NCOA1: variants seen among roughly 807,000 people sequenced by gnomAD.
NCOA1 encodes nuclear receptor coactivator 1.
NCOA1 carries 35 observed loss-of-function variants against 150.9 expected under a neutral mutation model. The ratio of observed to expected loss-of-function variants is 0.23; its 90% CI spans 0.18 to 0.31. The LOEUF (loss-of-function observed/expected upper bound fraction) is 0.31. Among genes scored for constraint, NCOA1 ranks in the 10% least tolerant of loss-of-function variants. The pLI, the probability that NCOA1 is intolerant of heterozygous loss-of-function variation, is 1.00. For missense variants in NCOA1, 1,491 were observed against 1,749.3 expected (o/e 0.85, Z 2.63); for synonymous variants, 590 against 630.0 (o/e 0.94, Z 0.95).
intron 14 of NCOA1, among the ~76,000 whole-genome samples, chr2:24,720,108 A>G (rs1026231962): frequency 6.6e-6 from 1 of 152,238 alleles, no homozygotes; most frequent in African/African-American, 2.4e-5. Context: ...GACCTCATCT[A>G]TAATGAGGGG....
intron 20 of NCOA1, among the ~76,000 whole-genome samples, chr2:24,756,271 A>G (rs1311394155): frequency 6.6e-6 from 1 of 152,062 alleles, no homozygotes; most frequent in Non-Finnish European, 1.5e-5. Flanking sequence ...ACAAAAGAAA[A>G]TAGACATAGA....
At chr2:24,512,484 A>G (rs1663975707) in intron 1 of NCOA1, among the ~76,000 whole-genome samples, 1 of 152,204 alleles carries the variant, frequency 6.6e-6, no homozygotes, top group South Asian at 2.1e-4. Context: ...AGTTTTTAAA[A>G]GCTCTAATGG....
Position 24,710,993 on chromosome 2 carries a change from G to A in NCOA1, c.2481G>A (p.Leu827=). Residue 827 remains leucine (L), a synonymous_variant, in exon 14 of 23, where the codon TTG becomes TTA. Coordinates refer to ENST00000348332, the MANE Select transcript of NCOA1 (RefSeq NM_003743.5). ...CCACGCTGGAGAAGGCAGCACAGTT[G>A]CCAGGCTTATGTGAGACAGACAGGA... ...LLPTLEKAAQ[L]PGLCETDRMD... is the part of the protein sequence containing the mutation. 4 of 1,614,150 alleles carry A rather than the reference G, an allele frequency of 2.5e-6. No individual in the cohort carries two copies. In the South Asian group the frequency reaches 3.3e-5, roughly 13 times the overall value.
intron 5 of NCOA1, 115 bp downstream of exon 5, chr2:24,658,881 T>C (rs1239636700): frequency 1.4e-5 from 12 of 879,798 alleles, no homozygotes; most frequent in Non-Finnish European, 5.4e-6. Flanking sequence ...GAGTCTTTCA[T>C]ACTCACCATG....
At chr2:24,600,343 C>A (rs1193833151) in intron 3 of NCOA1, among the ~76,000 whole-genome samples, 1 of 152,066 alleles carries the variant, frequency 6.6e-6, no homozygotes, top group African/African-American at 2.4e-5. Flanking sequence ...GTAGCTGAGA[C>A]TACAGGCATG....
chr2:24,608,890 G>T (rs763882230), intron 3 of NCOA1, among the ~76,000 whole-genome samples: 1 of 151,966 alleles, frequency 6.6e-6, no homozygotes, highest in Non-Finnish European at 1.5e-5. Context: ...CTCTGTTGGG[G>T]TTTGTCTGAT....
intron 2 of NCOA1, among the ~76,000 whole-genome samples, chr2:24,576,173 T>TTTTTTTTTTTG (rs1666970468): frequency 4.9e-5 from 2 of 40,954 alleles, no homozygotes; most frequent in Admixed American, 3.9e-4. Flanking sequence ...GTTTTTTGTT[T>TTTTTTTTTTTG]TTTTTTTTTT....
chr2:24,693,064 G>T (rs954087242), intron 9 of NCOA1, among the ~76,000 whole-genome samples, 188 bp from the exon 10 acceptor site: 2 of 152,142 alleles, frequency 1.3e-5, no homozygotes, highest in African/African-American at 4.8e-5. Flanking sequence ...GGGTTTCACC[G>T]TGTTAGCCAG....
At chr2:24,656,697 CAT>C (rs1558878500) in intron 4 of NCOA1, among the ~76,000 whole-genome samples, 1 of 152,226 alleles carries the variant, frequency 6.6e-6, no homozygotes, top group Non-Finnish European at 1.5e-5. Flanking sequence ...TTAGTTTACA[CAT>C]GAGTGAGAAT....
At chr2:24,537,926 T>C (rs4544384) in intron 1 of NCOA1, among the ~76,000 whole-genome samples, 7,870 of 152,250 alleles carry the variant, frequency 0.052, 286 homozygotes, top group East Asian at 0.19. Context: ...TCTGCTAACT[T>C]TTTGTGTCTA....
intron 4 of NCOA1, among the ~76,000 whole-genome samples, chr2:24,652,775 A>G (rs1558875271): frequency 6.6e-6 from 1 of 152,290 alleles, no homozygotes; most frequent in Admixed American, 6.5e-5. Context: ...TCAACAGGGT[A>G]CTTTTACTTA....
In NCOA1 at chr2:24,729,588, T is replaced by G. The variant is rs754510558; in HGVS notation, c.2974T>G (p.Ser992Ala). The G allele has an allele frequency of 1.9e-6, 3 of 1,614,196 alleles. No individual in the cohort carries two copies. Among genetic ancestry groups the G allele is most frequent in the Non-Finnish European group, 2.5e-6 (3 of 1,180,012 alleles). The change falls in exon 17 of 23, where the codon TCC (serine) becomes GCC (alanine). Residue 992 changes from serine (S) to alanine (A), a missense_variant. By Grantham distance (99) the Ser-to-Ala change is moderately conservative. Coordinates refer to ENST00000348332, the MANE Select transcript of NCOA1 (RefSeq NM_003743.5). ...CATGGAAGAAAGACCCAACCTTTAT[T>G]CCCAGCCTTACTCTTCTCCTTCTCC... is the stretch of plus-strand genomic sequence containing the variant. ...LIMEERPNLY[S>A]QPYSSPSPTA...
intron 1 of NCOA1, among the ~76,000 whole-genome samples, chr2:24,520,975 CT>C (rs879901767): frequency 1.5e-3 from 212 of 144,704 alleles, no homozygotes; most frequent in Middle Eastern, 6.9e-3. Context: ...TTTGCTTTAG[CT>C]TTTTTTTTTT....
At chr2:24,520,572 G>C (rs1444331922) in intron 1 of NCOA1, among the ~76,000 whole-genome samples, 1 of 152,204 alleles carries the variant, frequency 6.6e-6, no homozygotes, top group Admixed American at 6.5e-5. Context: ...GTGCAGTTCA[G>C]TGCTTGTCTG....
chr2:24,573,908 T>C (rs190999697), intron 2 of NCOA1, among the ~76,000 whole-genome samples: 1 of 152,056 alleles, frequency 6.6e-6, no homozygotes, highest in East Asian at 1.9e-4. Flanking sequence ...TAATAGTCTT[T>C]GTTAATGAAT....
Position 24,742,146 on chromosome 2 carries a change from T to C in NCOA1, c.3666T>C (p.Asn1222=). The C allele has an allele frequency of 6.2e-7, 1 of 1,613,826 alleles. No individual in the cohort carries two copies. Among genetic ancestry groups the C allele is most frequent in the South Asian group, 1.1e-5 (1 of 91,054 alleles). Residue 1222 remains asparagine (N), a synonymous_variant, in exon 19 of 23, where the codon AAT becomes AAC. Transcript: ENST00000348332. ...NIGGQFGTGI[N]PQMQQNVFQY... is the part of the protein sequence containing the mutation. Reference sequence around the variant, plus strand: ...GAGGACAGTTTGGCACTGGAATCAATCCTCAGATGCAGCAGAATGTCTTCC... The same window carrying C: ...GAGGACAGTTTGGCACTGGAATCAACCCTCAGATGCAGCAGAATGTCTTCC...
intron 2 of NCOA1, among the ~76,000 whole-genome samples, chr2:24,572,889 T>C (rs1666797408): frequency 6.6e-6 from 1 of 152,166 alleles, no homozygotes; most frequent in Non-Finnish European, 1.5e-5. Flanking sequence ...GGATTTGCTT[T>C]TGGGGGGCCC....
chr2:24,547,408 T>G (rs1335626907), intron 1 of NCOA1, among the ~76,000 whole-genome samples: 1 of 152,212 alleles, frequency 6.6e-6, no homozygotes, highest in Non-Finnish European at 1.5e-5. Flanking sequence ...CCAAAACATC[T>G]TTGCTTAGTA....
At chr2:24,511,044 G>T (rs1249437016) in intron 1 of NCOA1, among the ~76,000 whole-genome samples, 1 of 152,074 alleles carries the variant, frequency 6.6e-6, no homozygotes, top group Non-Finnish European at 1.5e-5. Context: ...TAATCTATTT[G>T]CTGTCTCTAT....
Sources: allele counts gnomAD v4.1 joint callset (sites outside exome capture counted in the v4.1 genomes callset), GRCh38; gene constraint gnomAD v4.1.1; transcripts MANE v1.5; gene names NCBI Gene and HGNC (gene_info 2026-07-23, HGNC 2026-07-21).